Variants in PAWR observed in about 807,000 individuals in gnomAD.
PAWR encodes PRKC apoptosis WT1 regulator protein.
A neutral mutation model predicts 32.0 loss-of-function variants in PAWR; 23 were observed. The observed-to-expected ratio is 0.72, with a 90% CI of 0.52 to 1.02. The LOEUF (loss-of-function observed/expected upper bound fraction) is 1.02. Among genes scored for constraint, PAWR ranks in the 50% least tolerant of loss-of-function variants. PAWR has a pLI of 0.00. For synonymous variants in PAWR, 226 were observed against 187.1 expected, an observed-to-expected ratio of 1.21 and a Z score of -1.70; for missense variants, 457 against 437.7, an observed-to-expected ratio of 1.04 and a Z score of -0.39.
intron 4 of PAWR, among the ~76,000 whole-genome samples, chr12:79,606,632 C>T (rs1874196344): frequency 6.6e-6 from 1 of 151,906 alleles, no homozygotes; most frequent in African/African-American, 2.4e-5. Flanking sequence ...ACCCTATGTT[C>T]GAAAAAAATC....
chr12:79,668,977 T>C (rs532257412), intron 2 of PAWR, among the ~76,000 whole-genome samples: 1 of 152,246 alleles, frequency 6.6e-6, no homozygotes, highest in Non-Finnish European at 1.5e-5. Context: ...TGTGCTGTTA[T>C]GAAGAAAACA....
chr12:79,676,667 T>A (rs980376824), intron 2 of PAWR, among the ~76,000 whole-genome samples: 14 of 152,184 alleles, frequency 9.2e-5, no homozygotes, highest in Non-Finnish European at 1.5e-4. Context: ...GCCGGATACA[T>A]CAAACCAAAA....
chr12:79,682,873 TG>T (rs1191590071), intron 2 of PAWR, among the ~76,000 whole-genome samples: 1 of 152,212 alleles, frequency 6.6e-6, no homozygotes. Context: ...TTGTAATCAA[TG>T]GGAAAAATGT....
intron 2 of PAWR, among the ~76,000 whole-genome samples, chr12:79,687,611 T>C (rs747771874): frequency 6.6e-6 from 1 of 152,144 alleles, no homozygotes; most frequent in Non-Finnish European, 1.5e-5. Context: ...TTGCAAAATA[T>C]GTATGACTTT....
chr12:79,644,501 T>C (rs932597110), intron 2 of PAWR, among the ~76,000 whole-genome samples: 2 of 152,134 alleles, frequency 1.3e-5, no homozygotes, highest in African/African-American at 4.8e-5. Context: ...AGGTAAACAT[T>C]CCATTTCTCT....
At chr12:79,616,152 A>G (rs1874722063) in intron 3 of PAWR, among the ~76,000 whole-genome samples, 1 of 152,234 alleles carries the variant, frequency 6.6e-6, no homozygotes, top group South Asian at 2.1e-4. Flanking sequence ...AAATTCCCTA[A>G]TATTACCCTA....
chr12:79,642,279 C>T (rs538048839), intron 2 of PAWR, among the ~76,000 whole-genome samples: 4 of 152,308 alleles, frequency 2.6e-5, no homozygotes, highest in African/African-American at 7.2e-5. Flanking sequence ...AAAGACTTGA[C>T]ACCAGCCCAA....
At chr12:79,655,285 C>G (rs1877044393) in intron 2 of PAWR, among the ~76,000 whole-genome samples, 1 of 152,172 alleles carries the variant, frequency 6.6e-6, no homozygotes, top group African/African-American at 2.4e-5. Context: ...AACCTGACAG[C>G]CCCAATTAGC....
chr12:79,644,440 C>T lies in PAWR; in HGVS notation c.517-23233G>A, dbSNP rs1031592524. Among the ~76,000 whole-genome samples the T allele has an allele frequency of 1.7e-4, 26 of 152,238 alleles. No homozygotes were observed. The South Asian group carries it at 1.9e-3, about 11-fold the overall frequency. ...ATACCTCTCTTCAGTGTTCAAAACA[C>T]GTTACTGTTGAGCCAGTCACCTAAG... On this transcript the variant is annotated intron_variant, in intron 2 of 6. Coordinates refer to ENST00000328827, the MANE Select transcript of PAWR (RefSeq NM_002583.4).
intron 2 of PAWR, among the ~76,000 whole-genome samples, chr12:79,650,228 A>C (rs1876774828): frequency 6.6e-6 from 1 of 152,212 alleles, no homozygotes; most frequent in African/African-American, 2.4e-5. Context: ...TTCACAATTA[A>C]AGTATATTTA....
intron 2 of PAWR, among the ~76,000 whole-genome samples, chr12:79,682,161 A>G (rs73345562): frequency 0.019 from 2,871 of 151,948 alleles, 102 homozygotes; most frequent in African/African-American, 0.065. Context: ...GTTTTGTTTG[A>G]GTTTTTCTGA....
At position 79,592,699 on chromosome 12, in the gene PAWR, G is replaced by GAAA. The variant is rs761953474; in HGVS notation, c.937-9_937-7dup. 1 of 603,880 alleles carries GAAA rather than the reference G, an allele frequency of 1.7e-6. No individual in the cohort carries two copies. The highest frequency in any genetic ancestry group is 2.8e-5 in the Admixed American group (1 of 36,036). The allele number at this position is 603,880 out of a possible 1,614,324, so 37.4% of individuals were successfully genotyped here. A position where few individuals can be genotyped will look rare whatever the true frequency, so the allele number is the denominator to read the frequency against. On this transcript the variant is annotated splice_region_variant and splice_polypyrimidine_tract_variant and intron_variant, in intron 6 of 6. Transcript: ENST00000328827. Reference sequence around the variant, plus strand: ...TCTTCTATGTCATCTAGGTCCTTAAGAAAAAAAAAAGACACTTTAAAAATA... The same window carrying GAAA: ...TCTTCTATGTCATCTAGGTCCTTAAGAAAAAAAAAAAAAGACACTTTAAAAATA...
At chr12:79,602,522 A>C (rs993127155) in intron 4 of PAWR, among the ~76,000 whole-genome samples, 1 of 152,188 alleles carries the variant, frequency 6.6e-6, no homozygotes, top group African/African-American at 2.4e-5. Context: ...TGAGATACTC[A>C]GAAGATAAAC....
intron 5 of PAWR, among the ~76,000 whole-genome samples, chr12:79,595,517 T>C (rs1468325095): frequency 6.6e-6 from 1 of 152,206 alleles, no homozygotes; most frequent in Non-Finnish European, 1.5e-5. Flanking sequence ...TCAAAACTAT[T>C]AGATTACATA....
chr12:79,689,176 T>A (rs1878837551), intron 2 of PAWR, among the ~76,000 whole-genome samples: 1 of 152,234 alleles, frequency 6.6e-6, no homozygotes, highest in Non-Finnish European at 1.5e-5. Flanking sequence ...TATAAACAGC[T>A]GATTTATATA....
intron 2 of PAWR, among the ~76,000 whole-genome samples, chr12:79,657,609 G>A (rs1877154507): frequency 6.6e-6 from 1 of 152,020 alleles, no homozygotes; most frequent in Non-Finnish European, 1.5e-5. Flanking sequence ...GGCTAACACG[G>A]TGAAACCCCG....
chr12:79,613,540 T>G (rs772664107), intron 4 of PAWR, 35 bp downstream of exon 4: 1 of 1,195,960 alleles, frequency 8.4e-7, no homozygotes, highest in Non-Finnish European at 1.2e-6. Context: ...ATTACATTCA[T>G]GTCTACAATA....
intron 3 of PAWR, among the ~76,000 whole-genome samples, chr12:79,619,432 C>T (rs937696079): frequency 6.6e-5 from 10 of 151,884 alleles, no homozygotes; most frequent in Admixed American, 2.6e-4. Flanking sequence ...AGCTTAATAA[C>T]GAAAGAAAGA....
At chr12:79,628,272 A>C (rs1875440832) in intron 2 of PAWR, among the ~76,000 whole-genome samples, 1 of 152,244 alleles carries the variant, frequency 6.6e-6, no homozygotes. Context: ...GAACAAAGAC[A>C]CAACATACAT....
Sources: allele counts gnomAD v4.1 joint callset (sites outside exome capture counted in the v4.1 genomes callset), GRCh38; gene constraint gnomAD v4.1.1; transcripts MANE v1.5; gene names NCBI Gene and HGNC (gene_info 2026-07-23, HGNC 2026-07-21).